THBS1: variants seen among roughly 807,000 people sequenced by gnomAD.
The protein encoded by THBS1 is thrombospondin-1.
THBS1 carries 29 observed loss-of-function variants against 126.1 expected under a neutral mutation model. The ratio of observed to expected loss-of-function variants is 0.23; its 90% confidence interval spans 0.17 to 0.31. The LOEUF (loss-of-function observed/expected upper bound fraction) is 0.31, where lower values mean the gene tolerates loss of function less well. Among genes scored for constraint, THBS1 ranks in the 10% least tolerant of loss-of-function variants. THBS1 has a pLI of 1.00. For synonymous variants in THBS1, 496 were observed against 577.8 expected, an observed-to-expected ratio of 0.86 and a Z score of 2.03; for missense variants, 1,198 against 1,545.2, an observed-to-expected ratio of 0.78 and a Z score of 3.77.
intron 14 of THBS1, 111 bp from the exon 15 acceptor site, chr15:39,591,080 G>A: frequency 1.6e-6 from 2 of 1,238,234 alleles, no homozygotes; most frequent in East Asian, 2.3e-5. Flanking sequence ...TATCCACTAG[G>A]TAGAAAGTAT....
chr15:39,581,736 C>G lies in THBS1; in HGVS notation c.-29-93C>G. 13 of 708,346 alleles carry G rather than the reference C, an allele frequency of 1.8e-5. No individual in the cohort carries two copies. The South Asian group carries it at 2.2e-4, about 12-fold the overall frequency. The allele number at this position is 708,346 out of a possible 1,614,324, so 43.9% of individuals were successfully genotyped here. On this transcript the variant is annotated intron_variant, in intron 1 of 21. Coordinates refer to ENST00000260356, the MANE Select transcript of THBS1 (RefSeq NM_003246.4). ...ACGCGGGGTCAAAGAGGGATGGTCC[C>G]GGCCCTGTCCCCATGCCCAGCCCCG...
chr15:39,591,356 G>C lies in THBS1; in HGVS notation c.2413+6G>C, dbSNP rs779074168. 1.9e-6 allele frequency: 3 copies of C among 1,611,060 alleles called. No homozygotes were observed. Among genetic ancestry groups the C allele is most frequent in the Non-Finnish European group, 2.5e-6 (3 of 1,177,946 alleles). On this transcript the variant is annotated splice_donor_region_variant and intron_variant, in intron 15 of 21. Transcript: ENST00000260356. ...TGCAGACATTGATGGAGACGGTAAG[G>C]TGCTGCCTGATCAGAGGGCCCGCGG...
At position 39,584,371 on chromosome 15, in the gene THBS1, C is replaced by T. The variant is rs772064878; in HGVS notation, c.975C>T (p.Tyr325=). Residue 325 remains tyrosine, a synonymous_variant, in exon 6 of 22, where the codon TAC becomes TAT. Coordinates refer to ENST00000260356, the MANE Select transcript of THBS1 (RefSeq NM_003246.4). ...TATGCTATCACAACGGAGTTCAGTA[C>T]AGAAATAACGAGGAATGGACTGTTG... ...PPLCYHNGVQ[Y]RNNEEWTVDS... 45 of 1,614,066 alleles carry T rather than the reference C, an allele frequency of 2.8e-5. No homozygotes were observed. Among genetic ancestry groups the T allele is most frequent in the African/African-American group, 2.3e-4 (17 of 74,902 alleles).
intron 1 of THBS1, 100 bp downstream of exon 1, chr15:39,581,328 T>G (rs1356571290): frequency 6.6e-6 from 1 of 152,652 alleles, no homozygotes; most frequent in Non-Finnish European, 1.5e-5. Context: ...GAACCTACAC[T>G]CTCCCCGCTC....
chr15:39,583,865 C>T (rs988985296), intron 4 of THBS1, 123 bp from the exon 5 acceptor site: 63 of 1,175,316 alleles, frequency 5.4e-5, no homozygotes, highest in Non-Finnish European at 6.7e-5. Context: ...TACACACGTG[C>T]GCATACACGC....
intron 6 of THBS1, 30 bp downstream of exon 6, chr15:39,584,452 ATC>A: frequency 6.2e-7 from 1 of 1,612,202 alleles, no homozygotes; most frequent in Non-Finnish European, 8.5e-7. Flanking sequence ...CAGAATAAGA[ATC>A]GACGGCTTTT....
In THBS1 at chr15:39,592,805, G is replaced by A; in HGVS notation, c.2767+3G>A. On this transcript the variant is annotated splice_donor_region_variant and intron_variant, in intron 17 of 21. Coordinates refer to ENST00000260356, the MANE Select transcript of THBS1 (RefSeq NM_003246.4). The surrounding 1 kb of genome is among the most constrained non-coding windows in gnomAD (Gnocchi z 4.3). ...TCCCGACCAGAAGGACTCTGACGGT[G>A]AGTCATGGGAGCCACTTTCTAAGAC... 6.2e-7 allele frequency: 1 copy of A among 1,609,368 alleles called. No homozygotes were observed.
Position 39,589,088 on chromosome 15 carries a change from T to C in THBS1, c.1773+2T>C. ...ATCCAGTGCACAGATGTTGATGAGGTGAGGAACTGATGGGGCTCCGAGTTT... is the reference window on the plus strand; with the variant it reads ...ATCCAGTGCACAGATGTTGATGAGGCGAGGAACTGATGGGGCTCCGAGTTT... On this transcript the variant is annotated splice_donor_variant, in intron 11 of 21. Coordinates refer to ENST00000260356, the MANE Select transcript of THBS1 (RefSeq NM_003246.4). LOFTEE classifies it high-confidence loss of function. This position sits in a 1 kb window ranked among gnomAD's most constrained non-coding sequence, Gnocchi z 4.7. 1 of 1,613,624 alleles carries C rather than the reference T, an allele frequency of 6.2e-7. No individual in the cohort carries two copies. The highest frequency in any genetic ancestry group is 8.5e-7 in the Non-Finnish European group (1 of 1,179,630).
At position 39,582,397 on chromosome 15, in the gene THBS1, T is replaced by C. The variant is rs1273330501; in HGVS notation, c.272T>C (p.Leu91Pro). The C allele has an allele frequency of 1.2e-6, 2 of 1,614,102 alleles. No homozygotes were observed. Among genetic ancestry groups the C allele is most frequent in the Non-Finnish European group, 1.7e-6 (2 of 1,179,998 alleles). ...CGGGCAGAAAAGGGTTTCCTCCTTC[T>C]GGCATCCCTGAGGCAGATGAAGAAG... is the stretch of plus-strand genomic sequence containing the variant. ...AVRAEKGFLLLASLRQMKKTR... is the reference protein window; with the variant it reads ...AVRAEKGFLLPASLRQMKKTR... The change falls in exon 3 of 22, where the codon CTG becomes CCG. Residue 91 changes from leucine to proline, a missense_variant. Coordinates refer to ENST00000260356, the MANE Select transcript of THBS1 (RefSeq NM_003246.4).
rs774753621 is a variant in THBS1, at chr15:39,593,204, A to G, written c.2972A>G (p.Asn991Ser). 3.1e-6 allele frequency: 5 copies of G among 1,614,072 alleles called. No individual in the cohort carries two copies. The highest frequency in any genetic ancestry group is 1.7e-5 in the Admixed American group (1 of 60,012). Residue 991 changes from asparagine to serine, a missense_variant, in exon 18 of 22, where the codon AAC becomes AGC. Physicochemically the swap from Asn to Ser is conservative, Grantham distance 46. Transcript: ENST00000260356. This position sits in a 1 kb window ranked among gnomAD's most constrained non-coding sequence, Gnocchi z 5.9. ...GGTAAAGAACTCGTCCAGACTGTCAACTGTGATCCTGGACTCGCTGTAGGT... is the reference window on the plus strand; with the variant it reads ...GGTAAAGAACTCGTCCAGACTGTCAGCTGTGATCCTGGACTCGCTGTAGGT... The part of the protein sequence containing the change: ...HQGKELVQTV[N>S]CDPGLAVGYD...
Position 39,595,495 on chromosome 15 carries a change from C to T in THBS1, c.*126C>T. Reference sequence around the variant, plus strand: ...GCTTCCTTCTTTTCTGTGCTTGCATCAGTGTGGACTCCTAGAACGTGCGAC... The same window carrying T: ...GCTTCCTTCTTTTCTGTGCTTGCATTAGTGTGGACTCCTAGAACGTGCGAC... On this transcript the variant is annotated 3_prime_UTR_variant, in exon 22 of 22. Coordinates refer to ENST00000260356, the MANE Select transcript of THBS1 (RefSeq NM_003246.4). 7.8e-7 allele frequency: 1 copy of T among 1,281,342 alleles called. No homozygotes were observed. Among genetic ancestry groups the T allele is most frequent in the Non-Finnish European group, 1.1e-6 (1 of 944,780 alleles). The allele number at this position is 1,281,342 out of a possible 1,614,324, so 79.4% of individuals were successfully genotyped here.
At chr15:39,587,895 A>T in intron 8 of THBS1, 147 bp from the exon 9 acceptor site, 5 of 726,320 alleles carry the variant, frequency 6.9e-6, no homozygotes, top group Non-Finnish European at 1.1e-5. Context: ...ACATTTGGGC[A>T]TGTGGCCAGG....
Position 39,595,401 on chromosome 15 carries a change from A to C in THBS1, c.*32A>C. 1.3e-6 allele frequency: 2 copies of C among 1,503,164 alleles called. No homozygotes were observed. The highest frequency in any genetic ancestry group is 2.8e-5 in the South Asian group (2 of 70,794). 93.1% of individuals were successfully genotyped at this position (1,503,164 alleles called of 1,614,324 possible). On this transcript the variant is annotated 3_prime_UTR_variant, in exon 22 of 22. Transcript: ENST00000260356. ...AATTGTTGATTGAAAGACTGATCAT[A>C]AACCAATGCTGGTATTGCACCTTCT...
chr15:39,581,727 G>A (rs1030093477), intron 1 of THBS1, 102 bp from the exon 2 acceptor site: 8 of 627,766 alleles, frequency 1.3e-5, no homozygotes, highest in Admixed American at 5.7e-5. Context: ...GGTCAAAGAG[G>A]GATGGTCCCG....
intron 8 of THBS1, 124 bp from the exon 9 acceptor site, chr15:39,587,918 C>A: frequency 1.1e-6 from 1 of 940,708 alleles, no homozygotes; most frequent in Non-Finnish European, 1.6e-6. Flanking sequence ...CCAATTTCTA[C>A]CGTACACTGG....
rs935481703 is a variant in THBS1 at position 39,594,556 on chromosome 15, T to C, written c.3505+116T>C. 1.1e-5 allele frequency: 16 copies of C among 1,438,982 alleles called. No homozygotes were observed. Among genetic ancestry groups the C allele is most frequent in the Admixed American group, 6.8e-5 (3 of 43,854 alleles). 89.1% of individuals were successfully genotyped at this position (1,438,982 alleles called of 1,614,324 possible). ...ACTGTTTTGGAGACAGGGTTATTTC[T>C]ATTTTGCTTTTGAGGACACAAGGAC... is the stretch of plus-strand genomic sequence containing the variant. On this transcript the variant is annotated intron_variant, in intron 21 of 21. Transcript: ENST00000260356. This position sits in a 1 kb window ranked among gnomAD's most constrained non-coding sequence, Gnocchi z 4.4.
rs1416653093 is a variant in THBS1, at chr15:39,584,406, C to A, written c.1010C>A (p.Thr337Asn). 1.9e-6 allele frequency: 3 copies of A among 1,614,084 alleles called. No homozygotes were observed. Among genetic ancestry groups the A allele is most frequent in the African/African-American group, 1.3e-5 (1 of 74,930 alleles). Residue 337 changes from threonine to asparagine, a missense_variant, in exon 6 of 22, where the codon ACT becomes AAT. Thr to Asn is a moderately conservative substitution (Grantham distance 65, BLOSUM62 0). This residue lies in a region of THBS1 where 663 missense variants were observed against 860.1 expected (regional missense o/e 0.77). Transcript: ENST00000260356. Reference sequence around the variant, plus strand: ...GAGGAATGGACTGTTGATAGCTGCACTGAGTGTCACTGTCAGGTAAGGGAC... The same window carrying A: ...GAGGAATGGACTGTTGATAGCTGCAATGAGTGTCACTGTCAGGTAAGGGAC... Reference protein sequence around the residue: ...NNEEWTVDSCTECHCQNSVTI... With the variant: ...NNEEWTVDSCNECHCQNSVTI...
rs1328316014 is a variant in THBS1 at position 39,597,256 on chromosome 15, T to C, written c.*1887T>C. ...GTTTGCACACTGAATTGAAGAATTG[T>C]TGGTTTTTTCTTTTTTTTGTTTTGT... On this transcript the variant is annotated 3_prime_UTR_variant, in exon 22 of 22. Transcript: ENST00000260356. The C allele has an allele frequency of 6.6e-6, 1 of 151,118 alleles. No homozygotes were observed. The highest frequency in any genetic ancestry group is 2.4e-5 in the African/African-American group (1 of 41,168). The allele number at this position is 151,118 out of a possible 1,614,324, so 9.4% of individuals were successfully genotyped here. A position where few individuals can be genotyped will look rare whatever the true frequency, so the allele number is the denominator to read the frequency against.
At position 39,596,821 on chromosome 15, in the gene THBS1, C is replaced by T. The variant is rs1015948941; in HGVS notation, c.*1452C>T. On this transcript the variant is annotated 3_prime_UTR_variant, in exon 22 of 22. Coordinates refer to ENST00000260356, the MANE Select transcript of THBS1 (RefSeq NM_003246.4). ...TTTCCAGGGAGAAGGAAAGCATATA[C>T]ACTTTTTTCTTTCATTTTTCCAAAA... 1 of 152,196 alleles carries T rather than the reference C, an allele frequency of 6.6e-6. No individual in the cohort carries two copies. The highest frequency in any genetic ancestry group is 2.4e-5 in the African/African-American group (1 of 41,454). The allele number at this position is 152,196 out of a possible 1,614,324, so 9.4% of individuals were successfully genotyped here. A position where few individuals can be genotyped will look rare whatever the true frequency, so the allele number is the denominator to read the frequency against.
Sources: allele counts gnomAD v4.1 joint callset, GRCh38; gene constraint gnomAD v4.1.1; regional missense constraint gnomAD v4.1.1; non-coding constraint Gnocchi (gnomAD v3.1); transcripts MANE v1.5; gene names NCBI Gene and HGNC (gene_info 2026-07-23, HGNC 2026-07-21).